The following PTPN14 variants were observed in gnomAD, a reference collection of about 807,000 sequenced individuals.
PTPN14 encodes tyrosine-protein phosphatase non-receptor type 14.
PTPN14 carries 53 observed loss-of-function variants against 126.8 expected under a neutral mutation model. That is an observed-to-expected ratio of 0.42 (90% CI 0.34 to 0.53). The LOEUF (loss-of-function observed/expected upper bound fraction) is 0.53. PTPN14 is among the 20% of genes least tolerant of loss of function. The probability of loss-of-function intolerance (pLI) is 0.08; values close to 1 mark genes in which losing one functional copy is unlikely to be tolerated. For missense variants in PTPN14, 1,257 were observed against 1,552.9 expected (o/e 0.81, Z 3.20); for synonymous variants, 630 against 599.3 (o/e 1.05, Z -0.75).
intron 5 of PTPN14, among the ~76,000 whole-genome samples, chr1:214,406,314 C>G (rs923178773): frequency 6.6e-6 from 1 of 151,918 alleles, no homozygotes; most frequent in African/African-American, 2.4e-5. Flanking sequence ...TCCATCTCTA[C>G]TAAAAATACA....
chr1:214,436,290 G>A (rs1480634649), intron 3 of PTPN14, among the ~76,000 whole-genome samples: 1 of 152,066 alleles, frequency 6.6e-6, no homozygotes, highest in Non-Finnish European at 1.5e-5. Context: ...CTACTTATCA[G>A]GTGCTATGCT....
intron 2 of PTPN14, among the ~76,000 whole-genome samples, chr1:214,463,610 C>T (rs912810308): frequency 3.1e-4 from 47 of 152,300 alleles, no homozygotes; most frequent in African/African-American, 1.1e-3. Context: ...GGAAGACCCT[C>T]CTGGGCCCCC....
intron 3 of PTPN14, among the ~76,000 whole-genome samples, chr1:214,431,004 G>A (rs1041303513): frequency 6.6e-6 from 1 of 152,192 alleles, no homozygotes; most frequent in Non-Finnish European, 1.5e-5. Context: ...AGTCTGGAAG[G>A]CAAAGGAGGC....
intron 18 of PTPN14, among the ~76,000 whole-genome samples, chr1:214,361,663 T>C (rs916595849): frequency 6.6e-6 from 1 of 152,230 alleles, no homozygotes; most frequent in Non-Finnish European, 1.5e-5. Context: ...GCTACTGAGA[T>C]CCTGACCTTT....
At position 214,349,460 on chromosome 1, in the gene PTPN14, A is replaced by G. The variant is rs574669475; in HGVS notation, c.*8462T>C. ...ACCTAATAAATGTCATTTGTTTTGA[A>G]TGATACCAAAATTCACAACATTTTG... On this transcript the variant is annotated 3_prime_UTR_variant, in exon 19 of 19. Coordinates refer to ENST00000366956, the MANE Select transcript of PTPN14 (RefSeq NM_005401.5). 6.6e-6 allele frequency: 1 copy of G among 152,338 alleles called. No individual in the cohort carries two copies. Among genetic ancestry groups the G allele is most frequent in the African/African-American group, 2.4e-5 (1 of 41,576 alleles). The allele number at this position is 152,338 out of a possible 1,614,324, so 9.4% of individuals were successfully genotyped here. A position where few individuals can be genotyped will look rare whatever the true frequency, so the allele number is the denominator to read the frequency against.
chr1:214,536,621 C>CA (rs1558146713), intron 1 of PTPN14, among the ~76,000 whole-genome samples: 1 of 150,748 alleles, frequency 6.6e-6, no homozygotes, highest in African/African-American at 2.4e-5. Flanking sequence ...CCTGTCTCTA[C>CA]AAAAAAATAA....
At chr1:214,494,349 A>C (rs1281697370) in intron 1 of PTPN14, among the ~76,000 whole-genome samples, 1 of 152,140 alleles carries the variant, frequency 6.6e-6, no homozygotes, top group Non-Finnish European at 1.5e-5. Context: ...GGTGTGAGCC[A>C]CAGCACCCGG....
chr1:214,399,928 G>A (rs1179292320), intron 7 of PTPN14, among the ~76,000 whole-genome samples: 2 of 151,800 alleles, frequency 1.3e-5, no homozygotes, highest in Non-Finnish European at 2.9e-5. Context: ...CTTTTTGTAA[G>A]TATCTTACTC....
At chr1:214,516,150 G>T (rs1467158931) in intron 1 of PTPN14, among the ~76,000 whole-genome samples, 1 of 152,084 alleles carries the variant, frequency 6.6e-6, no homozygotes, top group Non-Finnish European at 1.5e-5. Context: ...CTCTGTATTG[G>T]CACCTGCATA....
At chr1:214,532,932 C>T (rs933420726) in intron 1 of PTPN14, 3 of 820,544 alleles carry the variant, frequency 3.7e-6, no homozygotes, top group Non-Finnish European at 6.4e-6. Flanking sequence ...TGGCAGACAT[C>T]TGGGCCCAAT....
At chr1:214,379,871 C>A (rs1658432293) in intron 13 of PTPN14, among the ~76,000 whole-genome samples, 1 of 152,246 alleles carries the variant, frequency 6.6e-6, no homozygotes, top group Non-Finnish European at 1.5e-5. Flanking sequence ...ATGCCCCGAC[C>A]ACCTTGGGCA....
chr1:214,405,997 C>T (rs531135487), intron 5 of PTPN14, among the ~76,000 whole-genome samples: 1 of 152,248 alleles, frequency 6.6e-6, no homozygotes, highest in South Asian at 2.1e-4. Context: ...ACCCAGGATA[C>T]AATGGGGCAG....
chr1:214,527,732 A>G (rs1052476292), intron 1 of PTPN14, among the ~76,000 whole-genome samples: 6 of 152,220 alleles, frequency 3.9e-5, no homozygotes, highest in African/African-American at 1.4e-4. Flanking sequence ...ATGCCTAGTC[A>G]AACACAATGA....
At chr1:214,404,390 TAA>T (rs1200376141) in intron 5 of PTPN14, among the ~76,000 whole-genome samples, 1 of 152,172 alleles carries the variant, frequency 6.6e-6, no homozygotes, top group African/African-American at 2.4e-5. Flanking sequence ...TGATAGGAAA[TAA>T]GCTCAACATT....
chr1:214,406,306 C>G (rs1659168629), intron 5 of PTPN14, among the ~76,000 whole-genome samples: 1 of 151,866 alleles, frequency 6.6e-6, no homozygotes, highest in South Asian at 2.1e-4. Flanking sequence ...GGTGAAACTC[C>G]ATCTCTACTA....
rs1018839575 is a variant in PTPN14, at chr1:214,357,549, C to T, written c.*373G>A. On this transcript the variant is annotated 3_prime_UTR_variant, in exon 19 of 19. Transcript: ENST00000366956. ...AGCTGATGAATTTCAGGGTTGGTTACAAATCTGGCTGCAACTTCACAAGAG... is the reference window on the plus strand; with the variant it reads ...AGCTGATGAATTTCAGGGTTGGTTATAAATCTGGCTGCAACTTCACAAGAG... The T allele has an allele frequency of 5.1e-5, 8 of 156,394 alleles. No homozygotes were observed. The highest frequency in any genetic ancestry group is 1.9e-4 in the African/African-American group (8 of 41,596). The allele number at this position is 156,394 out of a possible 1,614,324, so 9.7% of individuals were successfully genotyped here.
intron 4 of PTPN14, 34 bp downstream of exon 4, chr1:214,414,595 G>T (rs1253659042): frequency 1.3e-6 from 2 of 1,565,620 alleles, no homozygotes; most frequent in East Asian, 2.2e-5. Context: ...AACAGAAAAT[G>T]GAATTTCACA....
At chr1:214,450,149 T>C (rs992587301) in intron 3 of PTPN14, among the ~76,000 whole-genome samples, 38 of 144,434 alleles carry the variant, frequency 2.6e-4, no homozygotes, top group African/African-American at 9.8e-4. Context: ...AATAAATAAA[T>C]AAATAAATAA....
chr1:214,436,786 C>CA (rs1159209240), intron 3 of PTPN14, among the ~76,000 whole-genome samples: 2,571 of 46,452 alleles, frequency 0.055, 136 homozygotes, highest in Non-Finnish European at 0.087. Flanking sequence ...GACTCCGTCT[C>CA]AAAAAAAAAA....
Sources: allele counts gnomAD v4.1 joint callset (sites outside exome capture counted in the v4.1 genomes callset), GRCh38; gene constraint gnomAD v4.1.1; transcripts MANE v1.5; gene names NCBI Gene and HGNC (gene_info 2026-07-23, HGNC 2026-07-21).